Variants in FHOD3 observed in about 807,000 individuals in gnomAD.
FHOD3 encodes FH1/FH2 domain-containing protein 3.
FHOD3 carries 90 observed loss-of-function variants against 173.0 expected under a neutral mutation model. That is an observed-to-expected ratio of 0.52 (90% CI 0.44 to 0.62). FHOD3 has a LOEUF of 0.62. FHOD3 is among the 20% of genes least tolerant of loss of function. FHOD3 has a pLI of 0.00. For synonymous variants in FHOD3, 828 were observed against 823.0 expected, an observed-to-expected ratio of 1.01 and a Z score of -0.10; for missense variants, 1,945 against 2,034.7, an observed-to-expected ratio of 0.96 and a Z score of 0.85.
In FHOD3 at chr18:36,385,132, T is replaced by C. The variant is rs73949456; in HGVS notation, c.337+12388T>C. Among the ~76,000 whole-genome samples the C allele has an allele frequency of 3.2e-3, 492 of 152,316 alleles. 3 individuals carry two copies. The highest frequency in any genetic ancestry group is 0.011 in the African/African-American group (463 of 41,580). The stretch of plus-strand genomic sequence containing the variant: ...CTGGATCACAGAATTGTATTAACTA[T>C]TAAACTGGGGAAATACATTGTGGAA... On this transcript the variant is annotated intron_variant, in intron 3 of 28. Transcript: ENST00000590592.
intron 6 of FHOD3, among the ~76,000 whole-genome samples, chr18:36,590,115 G>A (rs574809057): frequency 3.2e-4 from 49 of 152,188 alleles, no homozygotes; most frequent in African/African-American, 1.2e-3. Flanking sequence ...CTCCTTCTCC[G>A]TCATTATCCT....
intron 15 of FHOD3, among the ~76,000 whole-genome samples, chr18:36,685,156 G>A (rs1318856391): frequency 6.6e-6 from 1 of 152,180 alleles, no homozygotes; most frequent in Non-Finnish European, 1.5e-5. Flanking sequence ...TGTTGGCAGA[G>A]TAAGAATTAG....
At chr18:36,576,113 C>T (rs1327660373) in intron 5 of FHOD3, among the ~76,000 whole-genome samples, 2 of 152,168 alleles carry the variant, frequency 1.3e-5, no homozygotes, top group Non-Finnish European at 2.9e-5. Context: ...ACCCAGACAC[C>T]ATCTCATGAA....
intron 3 of FHOD3, among the ~76,000 whole-genome samples, chr18:36,445,096 A>G (rs2051391460): frequency 6.6e-6 from 1 of 152,200 alleles, no homozygotes; most frequent in South Asian, 2.1e-4. Context: ...GGGCATGACA[A>G]CAGTTAGTGG....
chr18:36,660,358 C>G (rs993692856), intron 14 of FHOD3, among the ~76,000 whole-genome samples: 2 of 152,068 alleles, frequency 1.3e-5, no homozygotes, highest in East Asian at 1.9e-4. Flanking sequence ...ACCACTGGAG[C>G]TGTTCAAGTT....
chr18:36,375,862 C>T (rs916889387), intron 3 of FHOD3, among the ~76,000 whole-genome samples: 2 of 152,232 alleles, frequency 1.3e-5, no homozygotes, highest in Non-Finnish European at 2.9e-5. Context: ...TTTATCTCCA[C>T]TGTAATTTTT....
At chr18:36,642,487 C>T (rs1014470506) in intron 10 of FHOD3, among the ~76,000 whole-genome samples, 3 of 135,986 alleles carry the variant, frequency 2.2e-5, no homozygotes, top group Non-Finnish European at 3.1e-5. Context: ...GGCGTGGTGG[C>T]GGGTGCCTGT....
intron 3 of FHOD3, among the ~76,000 whole-genome samples, chr18:36,385,572 T>A (rs1434791673): frequency 6.6e-6 from 1 of 152,124 alleles, no homozygotes; most frequent in Non-Finnish European, 1.5e-5. Context: ...AATTTTCATA[T>A]TTTTCGTAGA....
At chr18:36,548,794 C>A (rs2147274135) in intron 5 of FHOD3, among the ~76,000 whole-genome samples, 1 of 152,330 alleles carries the variant, frequency 6.6e-6, no homozygotes, top group East Asian at 1.9e-4. Flanking sequence ...TTTCCATCAT[C>A]TGGATATACC....
intron 5 of FHOD3, among the ~76,000 whole-genome samples, chr18:36,539,949 G>T (rs1007748718): frequency 2.0e-5 from 3 of 152,150 alleles, no homozygotes; most frequent in Non-Finnish European, 4.4e-5. Flanking sequence ...ACAAAGAGAG[G>T]CCCTGAAGAA....
At chr18:36,466,314 A>G (rs1196302468) in intron 3 of FHOD3, among the ~76,000 whole-genome samples, 2 of 152,174 alleles carry the variant, frequency 1.3e-5, no homozygotes, top group Non-Finnish European at 1.5e-5. Context: ...TAAGACAGGT[A>G]TCTATACTGA....
chr18:36,412,132 G>T (rs1442535928), intron 3 of FHOD3, among the ~76,000 whole-genome samples: 1 of 152,208 alleles, frequency 6.6e-6, no homozygotes, highest in African/African-American at 2.4e-5. Flanking sequence ...GGGCTGGAGG[G>T]CAGTTAATAT....
chr18:36,745,843 C>T (rs144547167), intron 23 of FHOD3, among the ~76,000 whole-genome samples: 8 of 151,432 alleles, frequency 5.3e-5, no homozygotes, highest in Admixed American at 2.6e-4. Flanking sequence ...CGCTCATCCC[C>T]GCCACACCCT....
intron 27 of FHOD3, among the ~76,000 whole-genome samples, chr18:36,762,338 G>C (rs780121924): frequency 1.3e-5 from 2 of 152,198 alleles, no homozygotes; most frequent in Non-Finnish European, 2.9e-5. Context: ...CCTGCAGGCT[G>C]TGCTCCAGAA....
rs1198304317 is a variant in FHOD3 at position 36,369,506 on chromosome 18, T to TATAG, written c.273-3173_273-3172insTAGA. Among the ~76,000 whole-genome samples the TATAG allele has an allele frequency of 5.9e-3, 763 of 128,242 alleles. 6 individuals are homozygous for TATAG. Among genetic ancestry groups the TATAG allele is most frequent in the Non-Finnish European group, 8.1e-3 (481 of 59,516 alleles). 84.1% of individuals were successfully genotyped at this position (128,242 alleles called of 152,430 possible). A position where few individuals can be genotyped will look rare whatever the true frequency, so the allele number is the denominator to read the frequency against. ...ACACACACACACACACACATATATA[T>TATAG]AGAGAGAGAGAGAGAGAGAGAGCAA... On this transcript the variant is annotated intron_variant, in intron 2 of 28. Transcript: ENST00000590592.
chr18:36,574,407 T>C (rs188864839), intron 5 of FHOD3, among the ~76,000 whole-genome samples: 3 of 152,324 alleles, frequency 2.0e-5, no homozygotes, highest in African/African-American at 7.2e-5. Flanking sequence ...TTGTCTCTCA[T>C]ATAAAATGCC....
intron 1 of FHOD3, among the ~76,000 whole-genome samples, chr18:36,299,843 C>G (rs930774522): frequency 4.6e-5 from 7 of 152,196 alleles, no homozygotes; most frequent in African/African-American, 1.7e-4. Flanking sequence ...TGCCCGAAGA[C>G]CCCTGCAGTA....
chr18:36,439,369 T>C (rs2050994150), intron 3 of FHOD3, among the ~76,000 whole-genome samples: 1 of 152,184 alleles, frequency 6.6e-6, no homozygotes, highest in African/African-American at 2.4e-5. Context: ...GAACTTTGGC[T>C]CTGCCCCAGG....
Position 36,653,420 on chromosome 18 carries a change from G to A in FHOD3, c.1721+4G>A. ...TCCGATCTTTCTCTTCTAATAGGTGGGTGTCTTTATTTTCTTTCCCTTTTC... is the reference window on the plus strand; with the variant it reads ...TCCGATCTTTCTCTTCTAATAGGTGAGTGTCTTTATTTTCTTTCCCTTTTC... On this transcript the variant is annotated splice_donor_region_variant and intron_variant, in intron 13 of 28. Coordinates refer to ENST00000590592, the MANE Select transcript of FHOD3 (RefSeq NM_001281740.3). 1 of 1,522,080 alleles carries A rather than the reference G, an allele frequency of 6.6e-7. No homozygotes were observed. Among genetic ancestry groups the A allele is most frequent in the Non-Finnish European group, 8.8e-7 (1 of 1,136,520 alleles). The allele number at this position is 1,522,080 out of a possible 1,614,324, so 94.3% of individuals were successfully genotyped here.
Sources: allele counts gnomAD v4.1 joint callset (sites outside exome capture counted in the v4.1 genomes callset), GRCh38; gene constraint gnomAD v4.1.1; transcripts MANE v1.5; gene names NCBI Gene and HGNC (gene_info 2026-07-23, HGNC 2026-07-21).